Variants in ADCY2 observed in about 807,000 individuals in gnomAD.
The protein encoded by ADCY2 is adenylate cyclase type 2.
In ADCY2, 31 loss-of-function variants were observed where a neutral mutation model predicts 125.2. The ratio of observed to expected loss-of-function variants is 0.25; its 90% confidence interval spans 0.19 to 0.33. The LOEUF is 0.33. Among genes scored for constraint, ADCY2 ranks in the 10% least tolerant of loss-of-function variants. The probability of loss-of-function intolerance (pLI) is 1.00; values close to 1 mark genes in which losing one functional copy is unlikely to be tolerated. For synonymous variants in ADCY2, 512 were observed against 548.4 expected, an observed-to-expected ratio of 0.93 and a Z score of 0.93; for missense variants, 904 against 1,418.2, an observed-to-expected ratio of 0.64 and a Z score of 5.82.
intron 3 of ADCY2, among the ~76,000 whole-genome samples, chr5:7,541,858 G>T (rs1735006378): frequency 6.6e-6 from 1 of 152,148 alleles, no homozygotes; most frequent in African/African-American, 2.4e-5. Flanking sequence ...ACATGTAAAA[G>T]AAATAATATA....
At chr5:7,628,594 G>A (rs1302860489) in intron 4 of ADCY2, among the ~76,000 whole-genome samples, 3 of 151,798 alleles carry the variant, frequency 2.0e-5, no homozygotes, top group African/African-American at 7.3e-5. Context: ...AAGTGAGAAG[G>A]GACACTTTAA....
intron 18 of ADCY2, among the ~76,000 whole-genome samples, chr5:7,781,464 G>T (rs1360107227): frequency 3.9e-5 from 6 of 152,166 alleles, no homozygotes; most frequent in Non-Finnish European, 7.3e-5. Context: ...TGAAGAGACA[G>T]ACACACAGGA....
rs186633472 is a variant in ADCY2, at chr5:7,763,651, C to T, written c.2095-3036C>T. ...ATGAATTTGCCTATTCTAGGGACCTCACATGAGTGGAGTCACACAATATCT... is the reference window on the plus strand; with the variant it reads ...ATGAATTTGCCTATTCTAGGGACCTTACATGAGTGGAGTCACACAATATCT... On this transcript the variant is annotated intron_variant, in intron 16 of 24. Transcript: ENST00000338316. Among the ~76,000 whole-genome samples, 47 of 152,270 alleles carry T rather than the reference C, an allele frequency of 3.1e-4. No individual in the cohort carries two copies. In the Middle Eastern group the frequency reaches 0.014, roughly 44 times the overall value.
At chr5:7,668,491 G>A (rs1010094341) in intron 4 of ADCY2, among the ~76,000 whole-genome samples, 2 of 152,104 alleles carry the variant, frequency 1.3e-5, no homozygotes, top group African/African-American at 4.8e-5. Flanking sequence ...TTTCTCTGGA[G>A]AACTAACTAA....
chr5:7,591,789 C>G (rs115333661), intron 3 of ADCY2, among the ~76,000 whole-genome samples: 261 of 152,192 alleles, frequency 1.7e-3, no homozygotes, highest in Non-Finnish European at 2.7e-3. Flanking sequence ...GGATATTATG[C>G]CTCTGAGTTT....
In ADCY2 at chr5:7,698,314, C is replaced by T. The variant is rs764675866; in HGVS notation, c.1049C>T (p.Ser350Phe). 6 of 1,614,178 alleles carry T rather than the reference C, an allele frequency of 3.7e-6. No individual in the cohort carries two copies. The highest frequency in any genetic ancestry group is 3.4e-6 in the Non-Finnish European group (4 of 1,180,006). Residue 350 changes from serine (S) to phenylalanine (F), a missense_variant, in exon 7 of 25, where the codon TCT becomes TTT. By Grantham distance (155) the Ser-to-Phe change is radical. This residue lies in a region of ADCY2 where 117 missense variants were observed against 248.0 expected (regional missense o/e 0.47). Transcript: ENST00000338316. The part of the protein sequence containing the change: ...CYYCVSGLPI[S>F]LPNHAKNCVK... ...TACTGTGTATCTGGACTCCCTATAT[C>T]TCTCCCTAACCATGCCAAGAACTGT...
intron 3 of ADCY2, among the ~76,000 whole-genome samples, chr5:7,571,867 C>T (rs1736075936): frequency 6.6e-6 from 1 of 152,160 alleles, no homozygotes; most frequent in Non-Finnish European, 1.5e-5. Context: ...GTAGCTCCTA[C>T]TTATAAGTGA....
intron 22 of ADCY2, among the ~76,000 whole-genome samples, chr5:7,806,633 G>GAGCT (rs1744770747): frequency 6.6e-6 from 1 of 152,174 alleles, no homozygotes; most frequent in African/African-American, 2.4e-5. Flanking sequence ...GACAGAGAGA[G>GAGCT]AGCTGGTTTC....
intron 3 of ADCY2, among the ~76,000 whole-genome samples, chr5:7,566,307 G>A (rs55928108): frequency 6.6e-6 from 1 of 152,260 alleles, no homozygotes; most frequent in Non-Finnish European, 1.5e-5. Flanking sequence ...GCAACATGAT[G>A]AGATCTTGTC....
At chr5:7,791,810 C>T (rs915384184) in intron 20 of ADCY2, among the ~76,000 whole-genome samples, 4 of 151,998 alleles carry the variant, frequency 2.6e-5, no homozygotes, top group Non-Finnish European at 4.4e-5. Flanking sequence ...CCTCCGTGGG[C>T]GCCTCCTGGG....
intron 3 of ADCY2, among the ~76,000 whole-genome samples, chr5:7,546,045 C>T (rs1735137218): frequency 6.6e-6 from 1 of 152,210 alleles, no homozygotes; most frequent in African/African-American, 2.4e-5. Context: ...TAAAGATAAG[C>T]TTCTTCCCTC....
At chr5:7,566,241 C>T (rs1001531273) in intron 3 of ADCY2, among the ~76,000 whole-genome samples, 1 of 152,312 alleles carries the variant, frequency 6.6e-6, no homozygotes, top group East Asian at 1.9e-4. Flanking sequence ...GTAATCCCAA[C>T]ACTAGGAGGC....
intron 2 of ADCY2, among the ~76,000 whole-genome samples, chr5:7,467,573 T>C (rs1386386620): frequency 6.6e-6 from 1 of 152,234 alleles, no homozygotes; most frequent in East Asian, 1.9e-4. Flanking sequence ...TGGAAAAAAT[T>C]CTGTGCTTTG....
intron 3 of ADCY2, among the ~76,000 whole-genome samples, chr5:7,614,070 C>A (rs2126646739): frequency 6.6e-6 from 1 of 152,248 alleles, no homozygotes; most frequent in East Asian, 1.9e-4. Flanking sequence ...ATCAATAATG[C>A]ATCTTTAATT....
At chr5:7,469,069 C>T (rs1014231874) in intron 2 of ADCY2, among the ~76,000 whole-genome samples, 1 of 151,902 alleles carries the variant, frequency 6.6e-6, no homozygotes, top group Non-Finnish European at 1.5e-5. Flanking sequence ...ACTTTTATGA[C>T]AATTTCCATT....
intron 3 of ADCY2, among the ~76,000 whole-genome samples, chr5:7,547,572 G>A (rs1735187140): frequency 6.6e-6 from 1 of 152,178 alleles, no homozygotes; most frequent in African/African-American, 2.4e-5. Context: ...TTTCTTACAA[G>A]CCTTCAGAAT....
intron 3 of ADCY2, chr5:7,522,393 A>T (rs1007001300): frequency 1.3e-5 from 2 of 152,040 alleles, no homozygotes; most frequent in African/African-American, 4.8e-5. Flanking sequence ...AGAACAATCT[A>T]GCCTTGCCTG....
chr5:7,732,221 G>A (rs56309051), intron 14 of ADCY2, among the ~76,000 whole-genome samples: 24 of 152,352 alleles, frequency 1.6e-4, no homozygotes, highest in African/African-American at 5.5e-4. Context: ...CATGGAGCAA[G>A]ATTGGTGATC....
At chr5:7,693,406 GTTTTTTGTTTTTTTTTTT>G (rs1339355414) in intron 5 of ADCY2, among the ~76,000 whole-genome samples, 3 of 58,658 alleles carry the variant, frequency 5.1e-5, no homozygotes, top group Non-Finnish European at 1.1e-4. Flanking sequence ...ATTGCCTGCT[GTTTTTTGTTTTTTTTTTT>G]TTTTTTTTTT....
Sources: allele counts gnomAD v4.1 joint callset (sites outside exome capture counted in the v4.1 genomes callset), GRCh38; gene constraint gnomAD v4.1.1; regional missense constraint gnomAD v4.1.1; transcripts MANE v1.5; gene names NCBI Gene and HGNC (gene_info 2026-07-23, HGNC 2026-07-21).